The following PHF14 variants were observed in gnomAD, a reference collection of about 807,000 sequenced individuals.
PHF14 encodes PHD finger protein 14.
A neutral mutation model predicts 117.9 loss-of-function variants in PHF14; 55 were observed. The ratio of observed to expected loss-of-function variants is 0.47; its 90% confidence interval spans 0.38 to 0.58. The LOEUF is 0.58. Ranked by LOEUF, PHF14 falls within the 20% of genes least tolerant of loss-of-function variation. The pLI, the probability that PHF14 is intolerant of heterozygous loss-of-function variation, is 0.00. For missense variants in PHF14, 978 were observed against 1,122.2 expected, an observed-to-expected ratio of 0.87 and a Z score of 1.84; for synonymous variants, 409 against 368.6, an observed-to-expected ratio of 1.11 and a Z score of -1.26.
At chr7:11,107,317 A>G in intron 16 of PHF14, 1 of 950,230 alleles carries the variant, frequency 1.1e-6, no homozygotes, top group Non-Finnish European at 1.3e-6. Flanking sequence ...ATTCTTAATC[A>G]TATACTAAGT....
In PHF14 at chr7:11,111,454, C is replaced by A. The variant is rs1224958032; in HGVS notation, c.2759C>A (p.Ser920Tyr). 6 of 1,555,880 alleles carry A rather than the reference C, an allele frequency of 3.9e-6. No individual in the cohort carries two copies. The highest frequency in any genetic ancestry group is 4.4e-6 in the Non-Finnish European group (5 of 1,130,664). The change falls in exon 17 of 18, where the codon TCT becomes TAT. Residue 920 changes from serine to tyrosine, a missense_variant. Coordinates refer to ENST00000634607, the MANE Select transcript of PHF14 (RefSeq NM_001007157.2). ...GGATGGATATGTCAGGAATGTGATT[C>A]TTCATCTTCCAAGGTAAGGGGAGAA... ...GYGWICQECD[S>Y]SSSKEDENEA...
intron 17 of PHF14, among the ~76,000 whole-genome samples, chr7:11,165,553 G>A (rs1789176818): frequency 6.6e-6 from 1 of 152,048 alleles, no homozygotes; most frequent in East Asian, 1.9e-4. Context: ...TTTAAACTTG[G>A]CAGTCTACAA....
At chr7:10,992,068 A>G (rs1583337867) in intron 4 of PHF14, among the ~76,000 whole-genome samples, 3 of 151,610 alleles carry the variant, frequency 2.0e-5, no homozygotes, top group Admixed American at 2.0e-4. Flanking sequence ...TTGTATTTTT[A>G]TTTTTGAGAC....
intron 16 of PHF14, among the ~76,000 whole-genome samples, chr7:11,074,488 G>T (rs534697583): frequency 6.6e-6 from 1 of 152,130 alleles, no homozygotes; most frequent in African/African-American, 2.4e-5. Flanking sequence ...GGGATTACAG[G>T]CATGAGCCAC....
chr7:11,006,041 C>T (rs1173642207), intron 4 of PHF14, among the ~76,000 whole-genome samples: 1 of 151,992 alleles, frequency 6.6e-6, no homozygotes, highest in Non-Finnish European at 1.5e-5. Flanking sequence ...ATCTGCCCAC[C>T]TCGGCCTCCC....
chr7:11,075,319 A>T (rs1457737527), intron 16 of PHF14, among the ~76,000 whole-genome samples: 1 of 152,146 alleles, frequency 6.6e-6, no homozygotes. Flanking sequence ...AGAAGTACCA[A>T]AGGCTTGCTA....
intron 2 of PHF14, among the ~76,000 whole-genome samples, chr7:10,977,441 T>C (rs1781905947): frequency 6.6e-6 from 1 of 152,150 alleles, no homozygotes; most frequent in South Asian, 2.1e-4. Context: ...TATAAAACTT[T>C]TTATATTTCT....
At chr7:11,168,043 A>C (rs1185359985) in intron 17 of PHF14, among the ~76,000 whole-genome samples, 9 of 151,450 alleles carry the variant, frequency 5.9e-5, no homozygotes, top group Non-Finnish European at 1.0e-4. Context: ...AAGAAATGTC[A>C]TCTGTAGGAA....
chr7:11,117,306 T>C (rs1386880108), intron 17 of PHF14, among the ~76,000 whole-genome samples: 1 of 151,826 alleles, frequency 6.6e-6, no homozygotes, highest in Non-Finnish European at 1.5e-5. Flanking sequence ...GAGACTTCTA[T>C]TTGGTTCAGT....
At position 11,153,787 on chromosome 7, in the gene PHF14, T is replaced by C. The variant is rs143016762; in HGVS notation, c.2773-15629T>C. Among the ~76,000 whole-genome samples, 168 of 152,262 alleles carry C rather than the reference T, an allele frequency of 1.1e-3. 3 individuals carry two copies. The highest frequency in any genetic ancestry group is 3.9e-3 in the African/African-American group (160 of 41,548). Reference sequence around the variant, plus strand: ...TGAGAAAATTGGGTGGTTATAGGATTAATTAAAGAAGACTTTGTTTTCTCA... The same window carrying C: ...TGAGAAAATTGGGTGGTTATAGGATCAATTAAAGAAGACTTTGTTTTCTCA... On this transcript the variant is annotated intron_variant, in intron 17 of 17. Transcript: ENST00000634607.
chr7:11,091,719 C>G (rs1164828778), intron 16 of PHF14, among the ~76,000 whole-genome samples: 1 of 152,144 alleles, frequency 6.6e-6, no homozygotes, highest in African/African-American at 2.4e-5. Flanking sequence ...GATCATGCCA[C>G]TGCACTCCAG....
In PHF14 at chr7:11,062,189, A is replaced by G. The variant is rs181773693; in HGVS notation, c.2654+104A>G. 13 of 915,094 alleles carry G rather than the reference A, an allele frequency of 1.4e-5. No individual in the cohort carries two copies. In the East Asian group the frequency reaches 2.7e-4, roughly 19 times the overall value. The allele number at this position is 915,094 out of a possible 1,614,324, so 56.7% of individuals were successfully genotyped here. ...ACAATTGCAGGATAAGACCTTTCTT[A>G]AAATATTATATAGTGGAAACAGTAC... On this transcript the variant is annotated intron_variant, in intron 16 of 17. Transcript: ENST00000634607.
Position 11,020,999 on chromosome 7 carries a change from G to T in PHF14, c.1206-1869G>T, listed in dbSNP as rs764494625. 3.3e-5 allele frequency among the ~76,000 whole-genome samples: 5 copies of T among 152,164 alleles called. 1 individual carries two copies. The highest frequency in any genetic ancestry group is 7.3e-5 in the Non-Finnish European group (5 of 68,036). ...ATGAAGGAATGAAAATAACGTACTT[G>T]ACGTGAATTTGTTTTACATGCTGTA... On this transcript the variant is annotated intron_variant, in intron 5 of 17. Coordinates refer to ENST00000634607, the MANE Select transcript of PHF14 (RefSeq NM_001007157.2).
intron 16 of PHF14, among the ~76,000 whole-genome samples, chr7:11,085,660 T>C (rs543042748): frequency 6.6e-5 from 10 of 152,340 alleles, no homozygotes; most frequent in Non-Finnish European, 1.5e-4. Context: ...TTCCTTTTTT[T>C]TGAGACAGTG....
intron 14 of PHF14, among the ~76,000 whole-genome samples, chr7:11,056,703 A>G (rs1183892694): frequency 6.6e-6 from 1 of 150,848 alleles, no homozygotes; most frequent in Non-Finnish European, 1.5e-5. Context: ...AAATATTTTT[A>G]GGAATTATGT....
At chr7:11,020,100 T>G (rs1479459782) in intron 5 of PHF14, among the ~76,000 whole-genome samples, 2 of 152,174 alleles carry the variant, frequency 1.3e-5, no homozygotes, top group Non-Finnish European at 2.9e-5. Context: ...CTTTTTTTTT[T>G]TCCAATCAGA....
chr7:11,016,828 G>T (rs570432272), intron 5 of PHF14, among the ~76,000 whole-genome samples: 1 of 152,008 alleles, frequency 6.6e-6, no homozygotes, highest in Non-Finnish European at 1.5e-5. Flanking sequence ...TTAAACAGTA[G>T]GTCTTAGTCT....
chr7:11,101,826 G>T (rs1270266006), intron 16 of PHF14, among the ~76,000 whole-genome samples: 1 of 151,734 alleles, frequency 6.6e-6, no homozygotes, highest in Non-Finnish European at 1.5e-5. Context: ...TGAAGGAAAT[G>T]ATAACTTTTT....
chr7:11,060,942 A>G (rs1207271336), intron 14 of PHF14, among the ~76,000 whole-genome samples: 1 of 152,146 alleles, frequency 6.6e-6, no homozygotes, highest in East Asian at 1.9e-4. Flanking sequence ...GTAAGAAAAT[A>G]TTAATATATT....
Sources: allele counts gnomAD v4.1 joint callset (sites outside exome capture counted in the v4.1 genomes callset), GRCh38; gene constraint gnomAD v4.1.1; transcripts MANE v1.5; gene names NCBI Gene and HGNC (gene_info 2026-07-23, HGNC 2026-07-21).